VHL: variants seen among roughly 807,000 people sequenced by gnomAD.
The protein encoded by VHL is von Hippel-Lindau tumor suppressor.
A neutral mutation model predicts 19.2 loss-of-function variants in VHL; 10 were observed. The observed-to-expected ratio is 0.52, with a 90% CI of 0.32 to 0.89. The LOEUF is 0.89. VHL is among the 40% of genes least tolerant of loss of function. The pLI is 0.03. For synonymous variants in VHL, 167 were observed against 129.5 expected, an observed-to-expected ratio of 1.29 and a Z score of -1.97; for missense variants, 328 against 292.7, an observed-to-expected ratio of 1.12 and a Z score of -0.88.
rs929301467 is a variant in VHL, at chr3:10,141,804, G to T, written c.-44G>T. The stretch of plus-strand genomic sequence containing the variant: ...CAGCTCCGCCCCGCGTCCGACCCGC[G>T]GATCCCGCGGCGTCCGGCCCGGGTG... On this transcript the variant is annotated 5_prime_UTR_variant, in exon 1 of 3. Transcript: ENST00000256474. 2.7e-5 allele frequency: 42 copies of T among 1,535,580 alleles called. No homozygotes were observed. The highest frequency in any genetic ancestry group is 3.7e-5 in the Non-Finnish European group (42 of 1,139,990).
chr3:10,144,696 A>AT (rs1425918035), intron 1 of VHL, among the ~76,000 whole-genome samples: 1 of 151,310 alleles, frequency 6.6e-6, no homozygotes, highest in African/African-American at 2.4e-5. Flanking sequence ...TTTTATTTTT[A>AT]TTTTTAGTAG....
Position 10,150,063 on chromosome 3 carries a change from G to C in VHL, c.*98G>C. On this transcript the variant is annotated 3_prime_UTR_variant, in exon 3 of 3. Transcript: ENST00000256474. ...GACTGGTTCCTTCCTTAGTTTCAAAGTGTCTCATTCTCAGAGTAAAATAGG... is the reference window on the plus strand; with the variant it reads ...GACTGGTTCCTTCCTTAGTTTCAAACTGTCTCATTCTCAGAGTAAAATAGG... The C allele has an allele frequency of 6.5e-7, 1 of 1,549,478 alleles. No homozygotes were observed. The highest frequency in any genetic ancestry group is 8.7e-7 in the Non-Finnish European group (1 of 1,146,518).
rs149416955 is a variant in VHL at position 10,153,062 on chromosome 3, G to A, written c.*3097G>A. Among the ~76,000 whole-genome samples, 564 of 152,158 alleles carry A rather than the reference G, an allele frequency of 3.7e-3. 3 individuals are homozygous for A. The highest frequency in any genetic ancestry group is 0.013 in the African/African-American group (539 of 41,558). Reference sequence around the variant, plus strand: ...GAGGCCTAGGCGGGTGGATCACGAGGTCAGGAAATCGAGACCATCCTGGCT... The same window carrying A: ...GAGGCCTAGGCGGGTGGATCACGAGATCAGGAAATCGAGACCATCCTGGCT... On this transcript the variant is annotated 3_prime_UTR_variant, in exon 3 of 3. Transcript: ENST00000256474.
At position 10,150,490 on chromosome 3, in the gene VHL, A is replaced by G. The variant is rs190102073; in HGVS notation, c.*525A>G. 119 of 500,768 alleles carry G rather than the reference A, an allele frequency of 2.4e-4. No homozygotes were observed. The highest frequency in any genetic ancestry group is 2.3e-3 in the African/African-American group (115 of 50,510). 31.0% of individuals were successfully genotyped at this position (500,768 alleles called of 1,614,324 possible). On this transcript the variant is annotated 3_prime_UTR_variant, in exon 3 of 3. Coordinates refer to ENST00000256474, the MANE Select transcript of VHL (RefSeq NM_000551.4). ...CCTTCAGTCAGGGTTTGTCAGAGGAACAAACCAGGGGACACTTTGTTAGAA... is the reference window on the plus strand; with the variant it reads ...CCTTCAGTCAGGGTTTGTCAGAGGAGCAAACCAGGGGACACTTTGTTAGAA...
chr3:10,146,713 A>C, intron 2 of VHL, 77 bp downstream of exon 2: 1 of 1,596,242 alleles, frequency 6.3e-7, no homozygotes, highest in Non-Finnish European at 8.6e-7. Flanking sequence ...AATTAAGCCC[A>C]GTTCTCAATT....
At chr3:10,144,912 T>C (rs1048957817) in intron 1 of VHL, among the ~76,000 whole-genome samples, 2 of 152,194 alleles carry the variant, frequency 1.3e-5, no homozygotes, top group Non-Finnish European at 2.9e-5. Flanking sequence ...AGGTACTTAA[T>C]GCACTGAATT....
intron 2 of VHL, among the ~76,000 whole-genome samples, chr3:10,147,263 G>A (rs1463119886): frequency 6.6e-6 from 1 of 151,846 alleles, no homozygotes; most frequent in Non-Finnish European, 1.5e-5. Flanking sequence ...GCCCGCCTAC[G>A]CCTCCCAAAG....
At chr3:10,148,415 C>T (rs370539457) in intron 2 of VHL, among the ~76,000 whole-genome samples, 2 of 145,866 alleles carry the variant, frequency 1.4e-5, no homozygotes, top group Non-Finnish European at 3.0e-5. Flanking sequence ...CCCGGGTTCA[C>T]GCCATTCTCC....
At chr3:10,149,430 A>G (rs1416779240) in intron 2 of VHL, among the ~76,000 whole-genome samples, 1 of 152,048 alleles carries the variant, frequency 6.6e-6, no homozygotes, top group Non-Finnish European at 1.5e-5. Flanking sequence ...GTTCCTCTTT[A>G]TGTGGTCTCT....
At position 10,149,863 on chromosome 3, in the gene VHL, C is replaced by G. The variant is rs374927292; in HGVS notation, c.540C>G (p.Ile180Met). The G allele has an allele frequency of 1.2e-6, 2 of 1,614,168 alleles. No individual in the cohort carries two copies. The highest frequency in any genetic ancestry group is 1.7e-6 in the Non-Finnish European group (2 of 1,180,032). The change falls in exon 3 of 3, where the codon ATC (isoleucine) becomes ATG (methionine). Residue 180 changes from isoleucine (I) to methionine (M), a missense_variant. Physicochemically the swap from Ile to Met is conservative, Grantham distance 10 (BLOSUM62 1). Transcript: ENST00000256474. ...CTGAGAATTACAGGAGACTGGACAT[C>G]GTCAGGTCGCTCTACGAAGATCTGG... ...VKPENYRRLD[I>M]VRSLYEDLED...
rs34512214 is a variant in VHL, at chr3:10,144,496, C to CTT, written c.341-2001_341-2000dup. On this transcript the variant is annotated intron_variant, in intron 1 of 2. Transcript: ENST00000256474. ...GCAAGACCCTGTCTCTCTATCTTGT[C>CTT]TTTTTTTTTTTTTTTTTTGAGACAG... 7.6e-3 allele frequency among the ~76,000 whole-genome samples: 888 copies of CTT among 116,566 alleles called. 33 individuals carry two copies. Among genetic ancestry groups the CTT allele is most frequent in the South Asian group, 0.072 (259 of 3,576 alleles). The allele number at this position is 116,566 out of a possible 152,430, so 76.5% of individuals were successfully genotyped here. A position where few individuals can be genotyped will look rare whatever the true frequency, so the allele number is the denominator to read the frequency against.
chr3:10,152,060 CAAA>C lies in VHL; in HGVS notation c.*2115_*2117del, dbSNP rs757106274. On this transcript the variant is annotated 3_prime_UTR_variant, in exon 3 of 3. Transcript: ENST00000256474. Reference sequence around the variant, plus strand: ...TGGGGGACAGAGCAAGACCCTGCCTCAAAAAAAAAAAAAAAAAAAAAATCAGGC... The same window carrying C: ...TGGGGGACAGAGCAAGACCCTGCCTCAAAAAAAAAAAAAAAAAAATCAGGC... 0.017 allele frequency: 1,476 copies of C among 89,084 alleles called. 32 individuals carry two copies. The highest frequency in any genetic ancestry group is 0.048 in the African/African-American group (1,225 of 25,730). 5.5% of individuals were successfully genotyped at this position (89,084 alleles called of 1,614,324 possible). A position where few individuals can be genotyped will look rare whatever the true frequency, so the allele number is the denominator to read the frequency against.
chr3:10,141,813 G>C lies in VHL; in HGVS notation c.-35G>C, dbSNP rs587780992. 1 of 1,536,456 alleles carries C rather than the reference G, an allele frequency of 6.5e-7. No individual in the cohort carries two copies. Among genetic ancestry groups the C allele is most frequent in the Non-Finnish European group, 8.8e-7 (1 of 1,140,806 alleles). On this transcript the variant is annotated 5_prime_UTR_variant, in exon 1 of 3. Transcript: ENST00000256474. ...CCCGCGTCCGACCCGCGGATCCCGC[G>C]GCGTCCGGCCCGGGTGGTCTGGATC...
intron 2 of VHL, 110 bp downstream of exon 2, chr3:10,146,746 A>G: frequency 1.5e-6 from 2 of 1,301,660 alleles, no homozygotes; most frequent in Non-Finnish European, 2.2e-6. Context: ...CAGGCACGTT[A>G]TCCAATCTTT....
chr3:10,152,554 G>A lies in VHL; in HGVS notation c.*2589G>A, dbSNP rs1393112235. Among the ~76,000 whole-genome samples the A allele has an allele frequency of 8.2e-6, 1 of 121,254 alleles. No homozygotes were observed. Among genetic ancestry groups the A allele is most frequent in the Non-Finnish European group, 1.6e-5 (1 of 63,374 alleles). 79.5% of individuals were successfully genotyped at this position (121,254 alleles called of 152,430 possible). A position where few individuals can be genotyped will look rare whatever the true frequency, so the allele number is the denominator to read the frequency against. On this transcript the variant is annotated 3_prime_UTR_variant, in exon 3 of 3. Coordinates refer to ENST00000256474, the MANE Select transcript of VHL (RefSeq NM_000551.4). ...GTTGCCCAGGCTGGAGTGCAGTGGT[G>A]CGATCTCTGCTCACTACAAGCTCTG...
intron 1 of VHL, among the ~76,000 whole-genome samples, chr3:10,144,579 C>T (rs183729251): frequency 2.1e-5 from 3 of 146,072 alleles, no homozygotes; most frequent in East Asian, 2.1e-4. Context: ...GGCATGATCA[C>T]GGCTCATTGC....
At chr3:10,142,255 C>T in intron 1 of VHL, 68 bp downstream of exon 1, 1 of 1,534,310 alleles carries the variant, frequency 6.5e-7, no homozygotes, top group Non-Finnish European at 8.7e-7. Flanking sequence ...CTCTACCGCC[C>T]CGGGGTCCAT....
Position 10,150,108 on chromosome 3 carries a change from G to A in VHL, c.*143G>A, listed in dbSNP as rs922315558. On this transcript the variant is annotated 3_prime_UTR_variant, in exon 3 of 3. Coordinates refer to ENST00000256474, the MANE Select transcript of VHL (RefSeq NM_000551.4). ...AATAGGCACCATTGCTTAAAAGAAA[G>A]TTAACTGACTTCACTAGGCATTGTG... 7 of 1,524,942 alleles carry A rather than the reference G, an allele frequency of 4.6e-6. No homozygotes were observed. In the East Asian group the frequency reaches 1.7e-4, roughly 38 times the overall value. The allele number at this position is 1,524,942 out of a possible 1,614,324, so 94.5% of individuals were successfully genotyped here. A position where few individuals can be genotyped will look rare whatever the true frequency, so the allele number is the denominator to read the frequency against.
chr3:10,150,023 T>C lies in VHL; in HGVS notation c.*58T>C, dbSNP rs1696370630. On this transcript the variant is annotated 3_prime_UTR_variant, in exon 3 of 3. Transcript: ENST00000256474. ...CAGCTTTTGATGGTACTGATGAGTC[T>C]TGATCTAGATACAGGACTGGTTCCT... 1 of 1,577,592 alleles carries C rather than the reference T, an allele frequency of 6.3e-7. No homozygotes were observed. The highest frequency in any genetic ancestry group is 8.6e-7 in the Non-Finnish European group (1 of 1,161,684).
Sources: allele counts gnomAD v4.1 joint callset (sites outside exome capture counted in the v4.1 genomes callset), GRCh38; gene constraint gnomAD v4.1.1; transcripts MANE v1.5; gene names NCBI Gene and HGNC (gene_info 2026-07-23, HGNC 2026-07-21).